Variants in CR1L observed in about 807,000 individuals in gnomAD.
CR1L encodes complement component receptor 1-like protein.
Under a neutral mutation model 62.3 loss-of-function variants are expected in CR1L, and 59 were observed. The ratio of observed to expected loss-of-function variants is 0.95; its 90% CI spans 0.77 to 1.18. The LOEUF is 1.18. CR1L is among the 50% of genes most tolerant of loss of function. The pLI, the probability that CR1L is intolerant of heterozygous loss-of-function variation, is 0.00. For missense variants in CR1L, 700 were observed against 702.8 expected, an observed-to-expected ratio of 1.00 and a Z score of 0.04; for synonymous variants, 279 against 248.7, an observed-to-expected ratio of 1.12 and a Z score of -1.15.
chr1:207,668,227 A>T (rs973647819), intron 1 of CR1L, among the ~76,000 whole-genome samples: 1 of 151,146 alleles, frequency 6.6e-6, no homozygotes, highest in Non-Finnish European at 1.5e-5. Flanking sequence ...CTCACATTCA[A>T]TGATGCACTA....
intron 10 of CR1L, chr1:207,715,355 G>A (rs752826420): frequency 3.2e-4 from 519 of 1,599,318 alleles, no homozygotes; most frequent in Middle Eastern, 2.2e-3. Context: ...TGTCTTGGCT[G>A]GAATGAAAGC....
At chr1:207,686,123 C>CTTT (rs1348783840) in intron 4 of CR1L, among the ~76,000 whole-genome samples, 49 of 11,880 alleles carry the variant, frequency 4.1e-3, no homozygotes, top group South Asian at 0.013. Flanking sequence ...TCCCTCCCTC[C>CTTT]CTTCCTCCCT....
intron 3 of CR1L, among the ~76,000 whole-genome samples, chr1:207,678,810 T>C (rs139237765): frequency 5.9e-4 from 90 of 152,238 alleles, no homozygotes; most frequent in African/African-American, 2.1e-3. Flanking sequence ...TCCATAGCCA[T>C]GCTCCCTCCA....
intron 1 of CR1L, among the ~76,000 whole-genome samples, chr1:207,662,142 G>A (rs906835166): frequency 3.2e-4 from 49 of 151,986 alleles, no homozygotes; most frequent in Non-Finnish European, 4.3e-4. Flanking sequence ...TGCTCTTCTT[G>A]AGGAGTATCT....
chr1:207,707,732 G>A (rs1664289556), intron 9 of CR1L, among the ~76,000 whole-genome samples: 1 of 147,714 alleles, frequency 6.8e-6, no homozygotes, highest in African/African-American at 2.5e-5. Flanking sequence ...AGGATCAAAA[G>A]CAACAAATCT....
At chr1:207,655,477 T>C (rs1157788167) in intron 1 of CR1L, among the ~76,000 whole-genome samples, 1 of 152,162 alleles carries the variant, frequency 6.6e-6, no homozygotes. Context: ...TTTGTTTTTG[T>C]TTTTGTTTTT....
At chr1:207,680,787 A>T (rs1221071937) in intron 3 of CR1L, among the ~76,000 whole-genome samples, 1 of 152,156 alleles carries the variant, frequency 6.6e-6, no homozygotes, top group East Asian at 1.9e-4. Context: ...GATAAGACCC[A>T]CTCAGATCAC....
intron 1 of CR1L, 39 bp downstream of exon 1, chr1:207,645,369 C>T (rs1663102632): frequency 6.2e-7 from 1 of 1,605,464 alleles, no homozygotes; most frequent in African/African-American, 1.3e-5. Context: ...CGCGGCGAGG[C>T]TAGAGCTCTG....
At chr1:207,688,181 T>C (rs1469449853) in intron 4 of CR1L, among the ~76,000 whole-genome samples, 1 of 152,118 alleles carries the variant, frequency 6.6e-6, no homozygotes, top group Non-Finnish European at 1.5e-5. Flanking sequence ...GAGCCTGAGG[T>C]GGGAGGATCC....
intron 5 of CR1L, among the ~76,000 whole-genome samples, chr1:207,697,138 C>T (rs1454186698): frequency 1.3e-5 from 2 of 152,196 alleles, no homozygotes; most frequent in Non-Finnish European, 2.9e-5. Flanking sequence ...TGATGCCTTT[C>T]TAGAAAGGAA....
At chr1:207,677,196 C>A (rs1237685516) in intron 1 of CR1L, among the ~76,000 whole-genome samples, 193 bp from the exon 2 acceptor site, 3 of 149,910 alleles carry the variant, frequency 2.0e-5, no homozygotes, top group Non-Finnish European at 4.4e-5. Flanking sequence ...ATGGCAGGCG[C>A]CTGTAATCCC....
intron 11 of CR1L, among the ~76,000 whole-genome samples, chr1:207,718,279 T>G (rs1654052645): frequency 6.6e-6 from 1 of 152,312 alleles, no homozygotes; most frequent in East Asian, 1.9e-4. Flanking sequence ...CTCTTAGCCT[T>G]CATAGCTCCT....
chr1:207,645,150 G>A lies in CR1L; in HGVS notation c.-84G>A, dbSNP rs1418015854. Reference sequence around the variant, plus strand: ...TGGGGATTGTTGTGTCCACTAACCGGACTCAGAAGGGACTTCCCTGCTCGG... The same window carrying A: ...TGGGGATTGTTGTGTCCACTAACCGAACTCAGAAGGGACTTCCCTGCTCGG... On this transcript the variant is annotated 5_prime_UTR_variant, in exon 1 of 12. Transcript: ENST00000508064. 8 of 1,353,300 alleles carry A rather than the reference G, an allele frequency of 5.9e-6. No homozygotes were observed. Among genetic ancestry groups the A allele is most frequent in the Admixed American group, 1.7e-5 (1 of 57,820 alleles). 83.8% of individuals were successfully genotyped at this position (1,353,300 alleles called of 1,614,324 possible). A position where few individuals can be genotyped will look rare whatever the true frequency, so the allele number is the denominator to read the frequency against.
intron 4 of CR1L, among the ~76,000 whole-genome samples, chr1:207,690,650 G>A (rs868388057): frequency 1.3e-5 from 2 of 152,170 alleles, no homozygotes; most frequent in Non-Finnish European, 1.5e-5. Flanking sequence ...CACAAACTTG[G>A]TGGCTTCAAA....
At chr1:207,678,118 T>C (rs367734561) in intron 2 of CR1L, 80 bp from the exon 3 acceptor site, 20 of 1,225,944 alleles carry the variant, frequency 1.6e-5, no homozygotes, top group Middle Eastern at 1.9e-4. Context: ...CAGTAAGCTA[T>C]AGGCAGGTTG....
intron 1 of CR1L, among the ~76,000 whole-genome samples, chr1:207,654,233 A>G (rs536932465): frequency 6.6e-6 from 1 of 151,986 alleles, no homozygotes; most frequent in Admixed American, 6.5e-5. Flanking sequence ...TATATAAACA[A>G]AGTGAGTCTT....
At chr1:207,662,440 A>G (rs1379499067) in intron 1 of CR1L, among the ~76,000 whole-genome samples, 3 of 152,182 alleles carry the variant, frequency 2.0e-5, no homozygotes, top group Non-Finnish European at 4.4e-5. Context: ...TGATTGAATC[A>G]GCTACTGAGG....
At chr1:207,690,771 A>T (rs1489242914) in intron 4 of CR1L, among the ~76,000 whole-genome samples, 1 of 152,186 alleles carries the variant, frequency 6.6e-6, no homozygotes, top group Non-Finnish European at 1.5e-5. Flanking sequence ...GCTTCCTTCC[A>T]GTGGCTGCTG....
intron 3 of CR1L, among the ~76,000 whole-genome samples, 190 bp from the exon 4 acceptor site, chr1:207,683,682 C>A (rs1474864196): frequency 3.3e-5 from 5 of 152,148 alleles, no homozygotes; most frequent in Non-Finnish European, 5.9e-5. Flanking sequence ...TCCCATCCAA[C>A]TGAGAAGGCA....
Sources: allele counts gnomAD v4.1 joint callset (sites outside exome capture counted in the v4.1 genomes callset), GRCh38; gene constraint gnomAD v4.1.1; transcripts MANE v1.5; gene names NCBI Gene and HGNC (gene_info 2026-07-23, HGNC 2026-07-21).